The following RBFOX1 variants were observed in gnomAD, a reference collection of about 807,000 sequenced individuals.
RBFOX1 encodes the protein RNA binding fox-1 homolog 1, also known as RNA binding protein fox-1 homolog 1.
RBFOX1 carries 8 observed loss-of-function variants against 57.7 expected under a neutral mutation model. The ratio of observed to expected loss-of-function variants is 0.14; its 90% CI spans 0.08 to 0.25. The LOEUF is 0.25. RBFOX1 is among the 10% of genes least tolerant of loss of function. The probability of loss-of-function intolerance (pLI) is 1.00; values close to 1 mark genes in which losing one functional copy is unlikely to be tolerated. For synonymous variants in RBFOX1, 326 were observed against 222.4 expected (o/e 1.47, Z -4.15); for missense variants, 611 against 548.5 (o/e 1.11, Z -1.14).
At chr16:6,895,430 GTGTGTGTGTGTGTGTGTGTATA>G (rs1567760235) in intron 3 of RBFOX1, among the ~76,000 whole-genome samples, 1 of 68,104 alleles carries the variant, frequency 1.5e-5, no homozygotes, top group Non-Finnish European at 3.2e-5. Flanking sequence ...GTGTGTGTGT[GTGTGTGTGTGTGTGTGTGTATA>G]TATATATATA....
intron 3 of RBFOX1, among the ~76,000 whole-genome samples, chr16:7,007,866 A>G (rs1249432643): frequency 6.6e-6 from 1 of 152,218 alleles, no homozygotes; most frequent in Non-Finnish European, 1.5e-5. Context: ...ATTAGGAAGT[A>G]TCAACATGGA....
intron 3 of RBFOX1, among the ~76,000 whole-genome samples, chr16:5,864,683 T>C (rs377010678): frequency 6.6e-6 from 1 of 152,132 alleles, no homozygotes. Flanking sequence ...GTTTATAATA[T>C]GGATGGATCA....
intron 2 of RBFOX1, among the ~76,000 whole-genome samples, chr16:5,547,648 A>C (rs1157906414): frequency 6.6e-6 from 1 of 152,196 alleles, no homozygotes; most frequent in Non-Finnish European, 1.5e-5. Flanking sequence ...GAGAGGCACA[A>C]ATTCATTAAC....
At chr16:6,598,040 A>G (rs1407147635) in intron 2 of RBFOX1, among the ~76,000 whole-genome samples, 3 of 152,202 alleles carry the variant, frequency 2.0e-5, no homozygotes, top group Non-Finnish European at 4.4e-5. Flanking sequence ...TGATATCTTT[A>G]TGGTTATAGT....
At chr16:7,397,030 G>A (rs1429207431) in intron 4 of RBFOX1, among the ~76,000 whole-genome samples, 1 of 152,208 alleles carries the variant, frequency 6.6e-6, no homozygotes, top group East Asian at 1.9e-4. Flanking sequence ...ATTCATGTGA[G>A]CTTTAGGAGA....
At chr16:6,999,216 A>ATTTTTTTTTTTTTTTTTTTTTTTT (rs374767232) in intron 3 of RBFOX1, among the ~76,000 whole-genome samples, 2 of 109,034 alleles carry the variant, frequency 1.8e-5, no homozygotes, top group African/African-American at 3.4e-5. Context: ...ATTTTTATTT[A>ATTTTTTTTTTTTTTTTTTTTTTTT]TTTTTTTTAT....
At chr16:5,589,952 C>T (rs2046952221) in intron 2 of RBFOX1, among the ~76,000 whole-genome samples, 2 of 152,182 alleles carry the variant, frequency 1.3e-5, no homozygotes, top group African/African-American at 2.4e-5. Context: ...AGGGTCTCCC[C>T]TGTCACTGCC....
chr16:7,082,116 C>G (rs972364043), intron 4 of RBFOX1, among the ~76,000 whole-genome samples: 6 of 152,156 alleles, frequency 3.9e-5, no homozygotes, highest in African/African-American at 9.6e-5. Flanking sequence ...CTGGAGATCA[C>G]TCCTTGGTAT....
chr16:7,483,528 C>T (rs538410899), intron 4 of RBFOX1, among the ~76,000 whole-genome samples: 5 of 152,260 alleles, frequency 3.3e-5, no homozygotes, highest in African/African-American at 9.6e-5. Flanking sequence ...ATATCCAGAC[C>T]TTTCCTGGGA....
intron 1 of RBFOX1, among the ~76,000 whole-genome samples, chr16:6,064,661 C>T (rs993752700): frequency 6.6e-6 from 1 of 152,108 alleles, no homozygotes; most frequent in Non-Finnish European, 1.5e-5. Context: ...CTGCCTCAGC[C>T]TCCCAAGTAG....
At chr16:7,093,957 T>C (rs2061284022) in intron 4 of RBFOX1, among the ~76,000 whole-genome samples, 1 of 151,892 alleles carries the variant, frequency 6.6e-6, no homozygotes. Context: ...ATATAATTTT[T>C]TTAAACAAAA....
chr16:7,508,246 G>A (rs772507430), intron 4 of RBFOX1, among the ~76,000 whole-genome samples: 3 of 152,102 alleles, frequency 2.0e-5, no homozygotes, highest in South Asian at 4.1e-4. Context: ...CCTAAGTGCT[G>A]GGATTACAAG....
intron 4 of RBFOX1, among the ~76,000 whole-genome samples, chr16:7,418,397 C>T (rs1415963287): frequency 1.3e-5 from 2 of 152,188 alleles, no homozygotes; most frequent in Non-Finnish European, 2.9e-5. Flanking sequence ...GCCCATGTCC[C>T]ATGGTGTCCA....
chr16:6,555,590 C>T (rs946358255), intron 2 of RBFOX1, among the ~76,000 whole-genome samples: 1 of 152,044 alleles, frequency 6.6e-6, no homozygotes, highest in Non-Finnish European at 1.5e-5. Context: ...GTCCCAGCTA[C>T]TCAGGAGGCT....
chr16:7,158,609 T>G (rs2077631105), intron 4 of RBFOX1, among the ~76,000 whole-genome samples: 1 of 152,052 alleles, frequency 6.6e-6, no homozygotes, highest in South Asian at 2.1e-4. Flanking sequence ...TGTGACCATG[T>G]GTTTGTATGA....
intron 2 of RBFOX1, among the ~76,000 whole-genome samples, chr16:6,344,700 T>A (rs1376230361): frequency 1.4e-5 from 2 of 143,562 alleles, no homozygotes; most frequent in African/African-American, 2.6e-5. Context: ...CCCGGTTTTT[T>A]TTTTTTTTTT....
intron 4 of RBFOX1, among the ~76,000 whole-genome samples, chr16:7,190,232 A>T (rs905208399): frequency 5.9e-5 from 9 of 152,034 alleles, no homozygotes; most frequent in Non-Finnish European, 1.5e-5. Context: ...ATGGTGGCAC[A>T]CCTGTAATCC....
intron 4 of RBFOX1, among the ~76,000 whole-genome samples, chr16:7,338,867 T>C (rs552699188): frequency 6.6e-6 from 1 of 152,332 alleles, no homozygotes; most frequent in South Asian, 2.1e-4. Context: ...TTTCAGGTCT[T>C]GATATTGCTG....
At chr16:6,572,718 G>A (rs373207571) in intron 2 of RBFOX1, among the ~76,000 whole-genome samples, 6 of 151,868 alleles carry the variant, frequency 4.0e-5, no homozygotes, top group Non-Finnish European at 5.9e-5. Context: ...TCAGCCTCCC[G>A]AGTAGCTAGA....
Sources: allele counts gnomAD v4.1 joint callset (sites outside exome capture counted in the v4.1 genomes callset), GRCh38; gene constraint gnomAD v4.1.1; transcripts MANE v1.5; gene names NCBI Gene and HGNC (gene_info 2026-07-23, HGNC 2026-07-21).